SEC63: variants seen among roughly 807,000 people sequenced by gnomAD.
SEC63 encodes the protein SEC63 protein translocation regulator, also known as translocation protein SEC63 homolog.
A neutral mutation model predicts 116.2 loss-of-function variants in SEC63; 56 were observed. That is an observed-to-expected ratio of 0.48 (90% CI 0.39 to 0.60). The LOEUF (loss-of-function observed/expected upper bound fraction) is 0.60, where lower values mean the gene tolerates loss of function less well. Among genes scored for constraint, SEC63 ranks in the 20% least tolerant of loss-of-function variants. The pLI, the probability that SEC63 is intolerant of heterozygous loss-of-function variation, is 0.00. For synonymous variants in SEC63, 273 were observed against 294.6 expected (o/e 0.93, Z 0.75); for missense variants, 668 against 900.0 (o/e 0.74, Z 3.30).
intron 1 of SEC63, 144 bp downstream of exon 1, chr6:107,957,742 T>C: frequency 1.2e-6 from 1 of 817,348 alleles, no homozygotes; most frequent in Non-Finnish European, 1.6e-6. Context: ...GCCCCGCCAG[T>C]GGCGGACGCT....
At chr6:107,941,934 T>C (rs1322488253) in intron 1 of SEC63, among the ~76,000 whole-genome samples, 4 of 152,184 alleles carry the variant, frequency 2.6e-5, no homozygotes, top group Non-Finnish European at 4.4e-5. Flanking sequence ...AGTGTACAAA[T>C]TGAAAGAGAC....
chr6:107,915,197 G>A lies in SEC63; in HGVS notation c.453-1770C>T, dbSNP rs79622863. 2.3e-3 allele frequency among the ~76,000 whole-genome samples: 346 copies of A among 152,250 alleles called. 1 individual carries two copies. Among genetic ancestry groups the A allele is most frequent in the African/African-American group, 7.8e-3 (325 of 41,552 alleles). ...CAGAATTTTTGAAAATTCAGTGAGT[G>A]TAGTTTCCTAAACATGATTATATCC... On this transcript the variant is annotated intron_variant, in intron 4 of 20. Coordinates refer to ENST00000369002, the MANE Select transcript of SEC63 (RefSeq NM_007214.5).
At position 107,928,777 on chromosome 6, in the gene SEC63, G is replaced by A. The variant is rs987718223; in HGVS notation, c.224+638C>T. ...TGATGACGCAGGATAAATGTCCAAA[G>A]CCTTGTGTTTAACCAGTACACCCCA... On this transcript the variant is annotated intron_variant, in intron 2 of 20. Coordinates refer to ENST00000369002, the MANE Select transcript of SEC63 (RefSeq NM_007214.5). Among the ~76,000 whole-genome samples the A allele has an allele frequency of 2.6e-5, 4 of 152,264 alleles. No homozygotes were observed. The East Asian group carries it at 7.7e-4, about 29-fold the overall frequency.
chr6:107,925,858 C>CT (rs539365637), intron 2 of SEC63, among the ~76,000 whole-genome samples: 7 of 149,904 alleles, frequency 4.7e-5, no homozygotes, highest in African/African-American at 9.7e-5. Flanking sequence ...ATTTGATTAA[C>CT]TTTTTTTTTT....
intron 4 of SEC63, among the ~76,000 whole-genome samples, chr6:107,916,808 T>C (rs1317827050): frequency 6.6e-6 from 1 of 152,196 alleles, no homozygotes; most frequent in African/African-American, 2.4e-5. Context: ...TTAATACATA[T>C]GTGTTTCAAA....
intron 1 of SEC63, chr6:107,956,140 C>G: frequency 5.2e-6 from 1 of 193,432 alleles, no homozygotes; most frequent in Non-Finnish European, 1.1e-5. Context: ...CTTTAAAAAT[C>G]CAATGTAGAT....
intron 3 of SEC63, among the ~76,000 whole-genome samples, chr6:107,923,042 G>C (rs1273364539): frequency 1.3e-5 from 2 of 151,828 alleles, no homozygotes; most frequent in Non-Finnish European, 2.9e-5. Context: ...TATATATTCA[G>C]GGCAACTTGA....
At chr6:107,921,074 G>A (rs756113375) in intron 4 of SEC63, among the ~76,000 whole-genome samples, 1 of 151,698 alleles carries the variant, frequency 6.6e-6, no homozygotes, top group Non-Finnish European at 1.5e-5. Flanking sequence ...CTTGTGTGAC[G>A]AAATTCTAAA....
At chr6:107,916,203 T>C (rs1583753288) in intron 4 of SEC63, among the ~76,000 whole-genome samples, 1 of 152,248 alleles carries the variant, frequency 6.6e-6, no homozygotes, top group South Asian at 2.1e-4. Context: ...TGGAAATGTC[T>C]TTTTAAATTA....
At chr6:107,885,686 CAGTT>C (rs1786511478) in intron 16 of SEC63, among the ~76,000 whole-genome samples, 1 of 152,090 alleles carries the variant, frequency 6.6e-6, no homozygotes. Flanking sequence ...GGAATTAAAA[CAGTT>C]AAGAAAATTT....
At chr6:107,873,827 C>T (rs1352068949) in intron 19 of SEC63, among the ~76,000 whole-genome samples, 1 of 151,760 alleles carries the variant, frequency 6.6e-6, no homozygotes, top group African/African-American at 2.4e-5. Context: ...TAAGACTCAA[C>T]AAAAGTGAAC....
At chr6:107,952,352 A>C (rs535804175) in intron 1 of SEC63, among the ~76,000 whole-genome samples, 1 of 152,296 alleles carries the variant, frequency 6.6e-6, no homozygotes, top group African/African-American at 2.4e-5. Flanking sequence ...TTTCTGGTGT[A>C]TTCAAGAGCC....
rs188437808 is a variant in SEC63, at chr6:107,870,474, A to G, written c.*1230T>C. The G allele has an allele frequency of 3.2e-4, 49 of 152,728 alleles. No individual in the cohort carries two copies. The East Asian group carries it at 8.7e-3, about 27-fold the overall frequency. 9.5% of individuals were successfully genotyped at this position (152,728 alleles called of 1,614,324 possible). ...ATTTTGATAGGAAAGAATTATTACA[A>G]TCAGTTTTATAATACTACAGACTTA... On this transcript the variant is annotated 3_prime_UTR_variant, in exon 21 of 21. Transcript: ENST00000369002.
intron 8 of SEC63, among the ~76,000 whole-genome samples, 193 bp downstream of exon 8, chr6:107,908,734 G>A (rs1787209582): frequency 6.6e-6 from 1 of 152,104 alleles, no homozygotes; most frequent in Non-Finnish European, 1.5e-5. Context: ...GAGTAAATGT[G>A]AATAATGAAA....
intron 1 of SEC63, among the ~76,000 whole-genome samples, chr6:107,934,685 C>A: frequency 1.2e-5 from 1 of 84,136 alleles, no homozygotes; most frequent in South Asian, 5.0e-4. Flanking sequence ...GGTCAGCCCC[C>A]TGCCCGGCCA....
At chr6:107,926,874 C>G (rs1787687288) in intron 2 of SEC63, among the ~76,000 whole-genome samples, 1 of 152,164 alleles carries the variant, frequency 6.6e-6, no homozygotes, top group African/African-American at 2.4e-5. Context: ...TAACAGAATC[C>G]AAAGGCTGAT....
rs559781122 is a variant in SEC63 at position 107,912,504 on chromosome 6, G to T, written c.573+212C>A. On this transcript the variant is annotated intron_variant, in intron 6 of 20. Coordinates refer to ENST00000369002, the MANE Select transcript of SEC63 (RefSeq NM_007214.5). Reference sequence around the variant, plus strand: ...GGGGGCTGAGGCAGGAGAATCGCTTGAACCCAGGAGGCAGAGGTTGCAGTG... The same window carrying T: ...GGGGGCTGAGGCAGGAGAATCGCTTTAACCCAGGAGGCAGAGGTTGCAGTG... Among the ~76,000 whole-genome samples the T allele has an allele frequency of 3.3e-5, 5 of 152,310 alleles. No homozygotes were observed. The South Asian group carries it at 1.0e-3, about 32-fold the overall frequency.
chr6:107,928,262 C>A (rs1171715741), intron 2 of SEC63, among the ~76,000 whole-genome samples: 2 of 152,050 alleles, frequency 1.3e-5, no homozygotes, highest in African/African-American at 4.8e-5. Context: ...GCAGGCAGAC[C>A]ACTTGAGCCC....
chr6:107,934,715 A>T, intron 1 of SEC63, among the ~76,000 whole-genome samples: 1 of 17,420 alleles, frequency 5.7e-5, no homozygotes, highest in African/African-American at 3.3e-4. Flanking sequence ...TCCGGCAGGG[A>T]GGTGGGGGGG....
Sources: allele counts gnomAD v4.1 joint callset (sites outside exome capture counted in the v4.1 genomes callset), GRCh38; gene constraint gnomAD v4.1.1; transcripts MANE v1.5; gene names NCBI Gene and HGNC (gene_info 2026-07-23, HGNC 2026-07-21).